SRGN: variants seen among roughly 807,000 people sequenced by gnomAD.
SRGN encodes hematopoetic proteoglycan core peptide.
SRGN carries 2 observed loss-of-function variants against 9.5 expected under a neutral mutation model. The ratio of observed to expected loss-of-function variants is 0.21; its 90% confidence interval spans 0.09 to 0.66. SRGN has a LOEUF of 0.66. SRGN is among the 30% of genes least tolerant of loss of function. The pLI is 0.83. For synonymous variants in SRGN, 59 were observed against 72.3 expected (o/e 0.82, Z 0.93); for missense variants, 170 against 192.4 (o/e 0.88, Z 0.69).
intron 1 of SRGN, among the ~76,000 whole-genome samples, 187 bp from the exon 2 acceptor site, chr10:69,096,897 G>C (rs191663498): frequency 2.4e-3 from 367 of 152,254 alleles, no homozygotes; most frequent in African/African-American, 8.3e-3. Flanking sequence ...AAGAGGCTGG[G>C]GTGGGAGAAT....
intron 1 of SRGN, among the ~76,000 whole-genome samples, chr10:69,091,438 C>G (rs1430986063): frequency 6.6e-6 from 1 of 152,120 alleles, no homozygotes; most frequent in Non-Finnish European, 1.5e-5. Context: ...GGAAGCTTAT[C>G]CATCTTGTGG....
chr10:69,088,316 G>A (rs1839980996), intron 1 of SRGN, 80 bp downstream of exon 1: 4 of 1,214,018 alleles, frequency 3.3e-6, no homozygotes, highest in Admixed American at 3.6e-5. Flanking sequence ...TTCATTTTAA[G>A]GCATAGAATG....
intron 1 of SRGN, among the ~76,000 whole-genome samples, chr10:69,089,669 G>A (rs2132151596): frequency 6.6e-6 from 1 of 152,302 alleles, no homozygotes; most frequent in East Asian, 1.9e-4. Flanking sequence ...GCCAAGGTAG[G>A]CAGATCATGA....
chr10:69,095,038 T>A (rs976432811), intron 1 of SRGN, among the ~76,000 whole-genome samples: 9 of 151,946 alleles, frequency 5.9e-5, no homozygotes, highest in Admixed American at 1.3e-4. Flanking sequence ...CCGGGTGTGG[T>A]GGCTCACACC....
rs770168495 is a variant in SRGN, at chr10:69,103,931, A to AGGCTTC, written c.293_298dup (p.Phe98_Gly99dup). On this transcript the variant is annotated inframe_insertion, in exon 3 of 3. Transcript: ENST00000242465. ...CACTTTCTGAGGACTACTCTGGATCAGGCTTCGGCTCCGGCTCCGGCTCTG... is the reference window on the plus strand; with the variant it reads ...CACTTTCTGAGGACTACTCTGGATCAGGCTTCGGCTTCGGCTCCGGCTCCGGCTCTG... The AGGCTTC allele has an allele frequency of 9.9e-6, 16 of 1,614,172 alleles. No homozygotes were observed. The highest frequency in any genetic ancestry group is 1.3e-5 in the Non-Finnish European group (15 of 1,180,030).
In SRGN at chr10:69,097,588, G is replaced by A. The variant is rs201829383; in HGVS notation, c.227+357G>A. Among the ~76,000 whole-genome samples, 29 of 152,080 alleles carry A rather than the reference G, an allele frequency of 1.9e-4. No individual in the cohort carries two copies. The East Asian group carries it at 4.8e-3, about 25-fold the overall frequency. Reference sequence around the variant, plus strand: ...ACTACAGGCACCCGCCACCACGCCCGGCTAATTTTTTTGTATTTTTAGTAG... The same window carrying A: ...ACTACAGGCACCCGCCACCACGCCCAGCTAATTTTTTTGTATTTTTAGTAG... On this transcript the variant is annotated intron_variant, in intron 2 of 2. Coordinates refer to ENST00000242465, the MANE Select transcript of SRGN (RefSeq NM_002727.4).
intron 1 of SRGN, among the ~76,000 whole-genome samples, chr10:69,088,489 G>A (rs1839985341): frequency 6.6e-6 from 1 of 152,148 alleles, no homozygotes; most frequent in South Asian, 2.1e-4. Flanking sequence ...GGATGAAAAT[G>A]TGAGGTTTAT....
At chr10:69,100,613 C>T (rs1840269410) in intron 2 of SRGN, among the ~76,000 whole-genome samples, 1 of 152,106 alleles carries the variant, frequency 6.6e-6, no homozygotes, top group Admixed American at 6.6e-5. Flanking sequence ...ATGGTCCTTG[C>T]TTCTGTGCTG....
At chr10:69,093,525 C>T (rs980474751) in intron 1 of SRGN, among the ~76,000 whole-genome samples, 2 of 152,114 alleles carry the variant, frequency 1.3e-5, no homozygotes, top group African/African-American at 4.8e-5. Context: ...CAGGAAGAGA[C>T]GTCTAAGTAG....
At chr10:69,094,686 TCAAG>T (rs1034689739) in intron 1 of SRGN, among the ~76,000 whole-genome samples, 10 of 152,154 alleles carry the variant, frequency 6.6e-5, no homozygotes, top group African/African-American at 2.2e-4. Flanking sequence ...CCTCCCAGTC[TCAAG>T]CAATCTTCCT....
intron 1 of SRGN, among the ~76,000 whole-genome samples, chr10:69,093,603 C>T (rs898122919): frequency 6.6e-6 from 1 of 152,124 alleles, no homozygotes; most frequent in Non-Finnish European, 1.5e-5. Context: ...CCAGGCCGGG[C>T]GCGGTGGCTC....
Position 69,088,132 on chromosome 10 carries a change from G to C in SRGN, c.-26G>C, listed in dbSNP as rs1407879221. The C allele has an allele frequency of 6.2e-7, 1 of 1,608,490 alleles. No individual in the cohort carries two copies. The highest frequency in any genetic ancestry group is 1.7e-5 in the Admixed American group (1 of 59,980). The stretch of plus-strand genomic sequence containing the variant: ...TTCCTAATCAAGAAGTTGGCGTGCA[G>C]CTGGGAGAGCTAGACTAAGTTGGTC... On this transcript the variant is annotated 5_prime_UTR_variant, in exon 1 of 3. Transcript: ENST00000242465.
chr10:69,100,969 T>TC (rs139296798), intron 2 of SRGN, among the ~76,000 whole-genome samples: 10 of 149,090 alleles, frequency 6.7e-5, no homozygotes, highest in South Asian at 4.2e-4. Context: ...GGAAGTATTT[T>TC]TTTCTTTCTT....
intron 1 of SRGN, among the ~76,000 whole-genome samples, chr10:69,092,844 T>G (rs926864918): frequency 1.3e-5 from 2 of 150,598 alleles, no homozygotes; most frequent in Non-Finnish European, 1.5e-5. Context: ...ATTCACAGAG[T>G]CATGCAACCA....
chr10:69,090,839 T>C lies in SRGN; in HGVS notation c.79+2603T>C, dbSNP rs562981346. On this transcript the variant is annotated intron_variant, in intron 1 of 2. Transcript: ENST00000242465. ...TGTAACTCTGGAGAGCACAGATGAC[T>C]AATCTATTTAATGTAGGGCTCCAGG... Among the ~76,000 whole-genome samples, 3 of 152,274 alleles carry C rather than the reference T, an allele frequency of 2.0e-5. No homozygotes were observed. The East Asian group carries it at 5.8e-4, about 29-fold the overall frequency.
chr10:69,093,295 T>C (rs760794768), intron 1 of SRGN, among the ~76,000 whole-genome samples: 2 of 152,242 alleles, frequency 1.3e-5, no homozygotes, highest in Non-Finnish European at 2.9e-5. Context: ...TAATAACTTT[T>C]ACATTGATGA....
intron 1 of SRGN, among the ~76,000 whole-genome samples, chr10:69,089,104 A>G (rs1015951402): frequency 1.4e-4 from 21 of 152,348 alleles, no homozygotes; most frequent in Non-Finnish European, 2.9e-4. Context: ...TTGAGTCACA[A>G]TGACACACAT....
At chr10:69,090,646 A>G (rs1004495701) in intron 1 of SRGN, among the ~76,000 whole-genome samples, 4 of 152,156 alleles carry the variant, frequency 2.6e-5, no homozygotes, top group African/African-American at 9.7e-5. Flanking sequence ...AACTACCTAT[A>G]TCTGCAATGA....
At chr10:69,102,103 T>C (rs12412035) in intron 2 of SRGN, among the ~76,000 whole-genome samples, 3,117 of 152,252 alleles carry the variant, frequency 0.02, 55 homozygotes, top group Admixed American at 0.049. Flanking sequence ...TCTTGAGGCT[T>C]CCATGCCCTG....
Sources: allele counts gnomAD v4.1 joint callset (sites outside exome capture counted in the v4.1 genomes callset), GRCh38; gene constraint gnomAD v4.1.1; transcripts MANE v1.5; gene names NCBI Gene and HGNC (gene_info 2026-07-23, HGNC 2026-07-21).